Variants in NAV2 observed in about 807,000 individuals in gnomAD.
NAV2 encodes the protein helicase, APC down-regulated 1.
Under a neutral mutation model 223.2 loss-of-function variants are expected in NAV2, and 54 were observed. The observed-to-expected ratio is 0.24, with a 90% CI of 0.19 to 0.30. NAV2 has a LOEUF of 0.30. NAV2 is among the 10% of genes least tolerant of loss of function. NAV2 has a pLI of 1.00. For missense variants in NAV2, 2,806 were observed against 3,147.5 expected (o/e 0.89, Z 2.60); for synonymous variants, 1,279 against 1,239.3 (o/e 1.03, Z -0.67).
intron 1 of NAV2, among the ~76,000 whole-genome samples, chr11:19,454,512 G>C (rs963575848): frequency 6.6e-6 from 1 of 152,148 alleles, no homozygotes; most frequent in African/African-American, 2.4e-5. Flanking sequence ...AAGTGTCCTG[G>C]ACTGGAAGAT....
chr11:19,409,538 C>A (rs182165514), intron 1 of NAV2, among the ~76,000 whole-genome samples: 88 of 152,244 alleles, frequency 5.8e-4, no homozygotes, highest in South Asian at 1.9e-3. Context: ...AGAAGGAATG[C>A]AGCACTAGAG....
intron 1 of NAV2, among the ~76,000 whole-genome samples, chr11:19,448,526 C>A (rs1185725683): frequency 6.6e-6 from 1 of 152,222 alleles, no homozygotes; most frequent in Non-Finnish European, 1.5e-5. Flanking sequence ...ATCCCAAGTT[C>A]ATCTTATACT....
At chr11:19,984,780 CT>C (rs970105888) in intron 11 of NAV2, among the ~76,000 whole-genome samples, 25 of 152,300 alleles carry the variant, frequency 1.6e-4, no homozygotes, top group African/African-American at 5.3e-4. Flanking sequence ...GTCACTGCCA[CT>C]GCTGTCAGGG....
intron 12 of NAV2, 63 bp downstream of exon 12, chr11:20,036,160 T>C: frequency 9.3e-6 from 15 of 1,605,284 alleles, no homozygotes; most frequent in Non-Finnish European, 1.3e-5. Flanking sequence ...ACCTTGGGCT[T>C]GTGGGGTAAG....
chr11:19,988,055 T>C (rs912775801), intron 11 of NAV2, among the ~76,000 whole-genome samples: 4 of 152,180 alleles, frequency 2.6e-5, no homozygotes, highest in Non-Finnish European at 4.4e-5. Context: ...TGCTGTCCTC[T>C]CAGAACCCAT....
chr11:19,631,403 A>G (rs1430111347), intron 1 of NAV2, among the ~76,000 whole-genome samples: 1 of 152,200 alleles, frequency 6.6e-6, no homozygotes, highest in Non-Finnish European at 1.5e-5. Flanking sequence ...GAGGGTTTCC[A>G]GTTTCATCTG....
At chr11:20,047,219 ATT>A (rs1469808964) in intron 14 of NAV2, among the ~76,000 whole-genome samples, 3 of 152,230 alleles carry the variant, frequency 2.0e-5, no homozygotes, top group African/African-American at 7.2e-5. Flanking sequence ...CTACAAAGGC[ATT>A]TTACTAGACC....
chr11:19,940,285 A>G (rs1346083976), intron 8 of NAV2, among the ~76,000 whole-genome samples: 9 of 152,206 alleles, frequency 5.9e-5, no homozygotes, highest in Admixed American at 5.9e-4. Flanking sequence ...TTTAAATGTA[A>G]TGTAGACAAT....
rs1390096589 is a variant in NAV2, at chr11:20,106,194, T to TAC, written c.6841+468_6841+469insCA. ...ATATATATGTGTGTGTATATATATA[T>TAC]ATATATATATATATATATATATATA... On this transcript the variant is annotated intron_variant, in intron 35 of 37. Coordinates refer to ENST00000349880, the MANE Select transcript of NAV2 (RefSeq NM_145117.5). 3.6e-3 allele frequency among the ~76,000 whole-genome samples: 261 copies of TAC among 71,694 alleles called. 41 individuals are homozygous for TAC. In the East Asian group the frequency reaches 0.077, roughly 21 times the overall value. 47.0% of individuals were successfully genotyped at this position (71,694 alleles called of 152,430 possible). A position where few individuals can be genotyped will look rare whatever the true frequency, so the allele number is the denominator to read the frequency against.
chr11:19,619,221 G>A (rs1329841950), intron 1 of NAV2, among the ~76,000 whole-genome samples: 5 of 151,776 alleles, frequency 3.3e-5, no homozygotes, highest in Non-Finnish European at 5.9e-5. Context: ...ATAAACATAC[G>A]TGTGCATGTG....
At chr11:19,844,807 G>T (rs1156607086) in intron 3 of NAV2, among the ~76,000 whole-genome samples, 2 of 148,992 alleles carry the variant, frequency 1.3e-5, no homozygotes, top group Non-Finnish European at 3.0e-5. Context: ...TTGTTTTTGT[G>T]TGTGTGAACT....
intron 1 of NAV2, among the ~76,000 whole-genome samples, chr11:19,654,686 A>G (rs914539356): frequency 6.6e-5 from 10 of 152,246 alleles, no homozygotes; most frequent in African/African-American, 2.4e-4. Context: ...CTGGCTAGCC[A>G]TATGTAGAAA....
At chr11:19,667,255 C>T (rs1175534263) in intron 1 of NAV2, among the ~76,000 whole-genome samples, 1 of 152,224 alleles carries the variant, frequency 6.6e-6, no homozygotes, top group Non-Finnish European at 1.5e-5. Flanking sequence ...TTCACTGGTG[C>T]CTGCTCTTTG....
chr11:19,739,477 G>A (rs1178471372), intron 1 of NAV2, among the ~76,000 whole-genome samples: 2 of 152,164 alleles, frequency 1.3e-5, no homozygotes, highest in Admixed American at 6.5e-5. Flanking sequence ...CAGAGGTCAC[G>A]CTGGGGACCC....
intron 10 of NAV2, among the ~76,000 whole-genome samples, chr11:19,980,282 G>T (rs1469359794): frequency 1.3e-5 from 2 of 152,194 alleles, no homozygotes; most frequent in Admixed American, 6.5e-5. Context: ...GGCAGAACTC[G>T]GGAGGGTAAT....
At chr11:19,913,862 G>A (rs912415328) in intron 6 of NAV2, among the ~76,000 whole-genome samples, 1 of 152,090 alleles carries the variant, frequency 6.6e-6, no homozygotes, top group African/African-American at 2.4e-5. Context: ...GTCTCCTATA[G>A]GGACCGCATA....
intron 11 of NAV2, chr11:20,022,989 G>A: frequency 2.1e-6 from 3 of 1,441,556 alleles, no homozygotes; most frequent in Non-Finnish European, 2.8e-6. Context: ...AGAGTTGCTG[G>A]GTGCCTGGGA....
intron 11 of NAV2, among the ~76,000 whole-genome samples, chr11:20,000,945 G>A (rs2052481917): frequency 6.6e-6 from 1 of 152,160 alleles, no homozygotes; most frequent in South Asian, 2.1e-4. Flanking sequence ...CAGCCACAGT[G>A]ATCCTCCTGA....
chr11:20,081,816 T>C (rs1345806137), intron 25 of NAV2, among the ~76,000 whole-genome samples: 1 of 152,222 alleles, frequency 6.6e-6, no homozygotes, highest in African/African-American at 2.4e-5. Flanking sequence ...AAAAAGACTT[T>C]AGAAAAAGGA....
Sources: allele counts gnomAD v4.1 joint callset (sites outside exome capture counted in the v4.1 genomes callset), GRCh38; gene constraint gnomAD v4.1.1; transcripts MANE v1.5; gene names NCBI Gene and HGNC (gene_info 2026-07-23, HGNC 2026-07-21).